Variants in SUMF1 observed in about 807,000 individuals in gnomAD.
SUMF1 encodes the protein formylglycine-generating enzyme.
Under a neutral mutation model 47.6 loss-of-function variants are expected in SUMF1, and 48 were observed. The ratio of observed to expected loss-of-function variants is 1.01; its 90% confidence interval spans 0.80 to 1.28. SUMF1 has a LOEUF of 1.28. SUMF1 is among the 50% of genes most tolerant of loss of function. SUMF1 has a pLI of 0.00. For synonymous variants in SUMF1, 230 were observed against 192.1 expected, an observed-to-expected ratio of 1.20 and a Z score of -1.63; for missense variants, 571 against 485.4, an observed-to-expected ratio of 1.18 and a Z score of -1.66.
In SUMF1 at chr3:4,041,007, C is replaced by T. The variant is rs561784061; in HGVS notation, c.1191+27562G>A. On this transcript the variant is annotated intron_variant and NMD_transcript_variant, in intron 9 of 12. Coordinates refer to the SUMF1 transcript ENST00000448413. ...TGCCCTTGGGGTCTGAAGTTTATGG[C>T]AGTTCCCAAAGAGTGCCTTCCTCCT... is the stretch of plus-strand genomic sequence containing the variant. Among the ~76,000 whole-genome samples the T allele has an allele frequency of 5.9e-5, 9 of 152,164 alleles. No individual in the cohort carries two copies. In the South Asian group the frequency reaches 1.4e-3, roughly 24 times the overall value.
At chr3:4,254,269 CTT>C (rs1279042422) in intron 8 of SUMF1, among the ~76,000 whole-genome samples, 1 of 151,864 alleles carries the variant, frequency 6.6e-6, no homozygotes, top group East Asian at 1.9e-4. Context: ...TGGAGAATGA[CTT>C]TGACGAGCTG....
chr3:4,085,924 A>G (rs1264026816), intron 8 of SUMF1, among the ~76,000 whole-genome samples: 2 of 152,120 alleles, frequency 1.3e-5, no homozygotes, highest in African/African-American at 4.8e-5. Context: ...AAAAAAAAGA[A>G]CAAATACTCA....
At chr3:4,174,193 A>G (rs1484810392) in intron 8 of SUMF1, among the ~76,000 whole-genome samples, 1 of 151,724 alleles carries the variant, frequency 6.6e-6, no homozygotes, top group Non-Finnish European at 1.5e-5. Context: ...CGTCTCTACT[A>G]AAAATACAAA....
intron 8 of SUMF1, among the ~76,000 whole-genome samples, chr3:4,166,250 T>C (rs1307522309): frequency 6.6e-6 from 1 of 152,108 alleles, no homozygotes; most frequent in Admixed American, 6.5e-5. Context: ...TCCTATAAGA[T>C]GATATGCCTC....
chr3:4,182,123 G>T (rs1695110490), intron 8 of SUMF1, among the ~76,000 whole-genome samples: 1 of 152,116 alleles, frequency 6.6e-6, no homozygotes, highest in African/African-American at 2.4e-5. Context: ...TCCTATTCAA[G>T]AGTCTAGGTC....
chr3:4,125,729 C>T (rs775763895), intron 8 of SUMF1, among the ~76,000 whole-genome samples: 14 of 152,134 alleles, frequency 9.2e-5, no homozygotes, highest in Admixed American at 5.2e-4. Flanking sequence ...GGCTAGAGTG[C>T]GGTGGCATGC....
At chr3:4,158,876 T>C (rs1694511870) in intron 8 of SUMF1, among the ~76,000 whole-genome samples, 2 of 151,616 alleles carry the variant, frequency 1.3e-5, no homozygotes, top group Non-Finnish European at 2.9e-5. Flanking sequence ...TGTGCCTTTA[T>C]ATGTGAAGTG....
intron 8 of SUMF1, among the ~76,000 whole-genome samples, chr3:4,179,631 G>A (rs1375476570): frequency 2.0e-5 from 3 of 152,092 alleles, no homozygotes; most frequent in Non-Finnish European, 4.4e-5. Flanking sequence ...ACATAGGCAT[G>A]GGCAAGGACT....
chr3:4,264,041 C>A (rs1697139725), intron 8 of SUMF1, among the ~76,000 whole-genome samples: 1 of 152,074 alleles, frequency 6.6e-6, no homozygotes. Flanking sequence ...CATTTTATTT[C>A]CTTCTCCTAG....
At chr3:4,200,539 T>C (rs1415789977) in intron 8 of SUMF1, among the ~76,000 whole-genome samples, 1 of 151,998 alleles carries the variant, frequency 6.6e-6, no homozygotes, top group Non-Finnish European at 1.5e-5. Flanking sequence ...GGTTCTAAGG[T>C]TTTCACGCTC....
chr3:4,146,243 G>A (rs1037445742), intron 8 of SUMF1, among the ~76,000 whole-genome samples: 1 of 152,060 alleles, frequency 6.6e-6, no homozygotes, highest in African/African-American at 2.4e-5. Flanking sequence ...AGAGAGGGAA[G>A]GCAATGATTA....
At chr3:4,154,403 C>G (rs1309581197) in intron 8 of SUMF1, among the ~76,000 whole-genome samples, 1 of 151,574 alleles carries the variant, frequency 6.6e-6, no homozygotes, top group African/African-American at 2.4e-5. Flanking sequence ...AGAATTACCA[C>G]TCCAGCATGA....
intron 8 of SUMF1, among the ~76,000 whole-genome samples, chr3:4,085,024 T>G (rs755284273): frequency 6.6e-6 from 1 of 152,068 alleles, no homozygotes; most frequent in African/African-American, 2.4e-5. Context: ...ATGATGTCTA[T>G]CTACTCTATG....
Position 4,143,477 on chromosome 3 carries a change from T to C in SUMF1, c.1015-74732A>G, listed in dbSNP as rs141173038. On this transcript the variant is annotated intron_variant and NMD_transcript_variant, in intron 8 of 12. Transcript: ENST00000448413. ...AAGCAAGAACAGTAGCAATTACATC[T>C]GAACAAGGAGTTCACTCTTGATATT... Among the ~76,000 whole-genome samples the C allele has an allele frequency of 3.3e-3, 508 of 152,260 alleles. 6 individuals are homozygous for C. The highest frequency in any genetic ancestry group is 0.011 in the African/African-American group (474 of 41,538).
intron 8 of SUMF1, among the ~76,000 whole-genome samples, chr3:4,070,377 A>G (rs960580363): frequency 1.3e-5 from 2 of 152,126 alleles, no homozygotes; most frequent in Non-Finnish European, 2.9e-5. Context: ...GACTCTTTTC[A>G]TCAACAAACG....
intron 9 of SUMF1, among the ~76,000 whole-genome samples, chr3:4,035,301 C>G (rs1414661958): frequency 6.6e-6 from 1 of 152,148 alleles, no homozygotes; most frequent in Non-Finnish European, 1.5e-5. Context: ...TAGATTCCAC[C>G]TAAAAGCTAG....
intron 8 of SUMF1, among the ~76,000 whole-genome samples, chr3:4,346,983 G>A (rs372123924): frequency 3.9e-5 from 6 of 152,208 alleles, no homozygotes; most frequent in East Asian, 1.9e-4. Context: ...ACTAAACCAG[G>A]AAGAAGTTGA....
At chr3:4,087,931 A>C (rs2125050546) in intron 8 of SUMF1, among the ~76,000 whole-genome samples, 1 of 152,196 alleles carries the variant, frequency 6.6e-6, no homozygotes, top group South Asian at 2.1e-4. Flanking sequence ...AGCCTGAAAA[A>C]GTTTTTGAAG....
intron 8 of SUMF1, among the ~76,000 whole-genome samples, chr3:4,120,117 T>A (rs12108010): frequency 0.08 from 12,158 of 152,172 alleles, 1,240 homozygotes; most frequent in African/African-American, 0.21. Context: ...ACTTCCAGTC[T>A]CAGGAAGTCC....
Sources: allele counts gnomAD v4.1 joint callset (sites outside exome capture counted in the v4.1 genomes callset), GRCh38; gene constraint gnomAD v4.1.1; transcripts MANE v1.5; gene names NCBI Gene and HGNC (gene_info 2026-07-23, HGNC 2026-07-21).